EMSY: variants seen among roughly 807,000 people sequenced by gnomAD.
EMSY encodes the protein BRCA2-interacting transcriptional repressor EMSY.
Under a neutral mutation model 134.6 loss-of-function variants are expected in EMSY, and 26 were observed. The observed-to-expected ratio is 0.19, with a 90% CI of 0.14 to 0.27. EMSY has a LOEUF of 0.27. Ranked by LOEUF, EMSY falls within the 10% of genes least tolerant of loss-of-function variation. EMSY has a pLI of 1.00. For missense variants in EMSY, 1,305 were observed against 1,611.4 expected, an observed-to-expected ratio of 0.81 and a Z score of 3.26; for synonymous variants, 579 against 577.8, an observed-to-expected ratio of 1.00 and a Z score of -0.03.
chr11:76,528,157 C>A, intron 13 of EMSY, 111 bp from the exon 15 acceptor site: 2 of 895,338 alleles, frequency 2.2e-6, no homozygotes, highest in Non-Finnish European at 3.4e-6. Flanking sequence ...AAAAGTATAA[C>A]GTACAGAATA....
At chr11:76,489,650 G>A (rs1287728904) in intron 8 of EMSY, among the ~76,000 whole-genome samples, 1 of 150,724 alleles carries the variant, frequency 6.6e-6, no homozygotes, top group East Asian at 1.9e-4. Context: ...TATCGCCCAG[G>A]CTGGAGTACA....
chr11:76,546,343 T>G, intron 20 of EMSY, 46 bp downstream of exon 21: 1 of 1,561,256 alleles, frequency 6.4e-7, no homozygotes, highest in Non-Finnish European at 8.7e-7. Context: ...TCTTGGGGGT[T>G]GTGGGTTTGT....
chr11:76,502,937 T>A (rs1291064056), intron 9 of EMSY, among the ~76,000 whole-genome samples: 1 of 151,942 alleles, frequency 6.6e-6, no homozygotes, highest in African/African-American at 2.4e-5. Context: ...ACAAGCTAAC[T>A]CCAAAATTCA....
chr11:76,489,040 T>C lies in EMSY; in HGVS notation c.1109-7175T>C, dbSNP rs549133592. Among the ~76,000 whole-genome samples the C allele has an allele frequency of 2.0e-4, 31 of 152,378 alleles. No individual in the cohort carries two copies. The South Asian group carries it at 6.2e-3, about 31-fold the overall frequency. On this transcript the variant is annotated intron_variant, in intron 8 of 20. Transcript: ENST00000334736. ...CTTTGCAAAAGTAATGGGGCCACCA[T>C]GACTGGCTTAGATCAATTAGGAATT...
intron 8 of EMSY, among the ~76,000 whole-genome samples, chr11:76,488,047 C>CT (rs1949262644): frequency 6.6e-6 from 1 of 152,132 alleles, no homozygotes; most frequent in Admixed American, 6.5e-5. Context: ...GTTAAAAACT[C>CT]TGAGTATTTC....
At position 76,505,281 on chromosome 11, in the gene EMSY, C is replaced by T. The variant is rs12284254; in HGVS notation, c.1364-8105C>T. ...GGCGGTCTTGGCTCACTGCAACTTA[C>T]GCCTCCTGGGTTCAAGCAATTCTCC... On this transcript the variant is annotated intron_variant, in intron 9 of 20. Transcript: ENST00000334736. Among the ~76,000 whole-genome samples, 1,048 of 150,406 alleles carry T rather than the reference C, an allele frequency of 7.0e-3. 12 individuals are homozygous for T. The highest frequency in any genetic ancestry group is 0.024 in the African/African-American group (976 of 41,062).
At chr11:76,505,620 G>A (rs1283464452) in intron 9 of EMSY, among the ~76,000 whole-genome samples, 2 of 151,988 alleles carry the variant, frequency 1.3e-5, no homozygotes, top group Non-Finnish European at 2.9e-5. Context: ...CACCTTGGGA[G>A]GCTGAGGCGG....
At chr11:76,530,733 T>C (rs1857383749) in intron 14 of EMSY, among the ~76,000 whole-genome samples, 1 of 152,170 alleles carries the variant, frequency 6.6e-6, no homozygotes, top group African/African-American at 2.4e-5. Context: ...ACTACATTCT[T>C]ACAAAGACTA....
intron 8 of EMSY, among the ~76,000 whole-genome samples, chr11:76,495,417 A>G (rs1260410445): frequency 1.3e-5 from 2 of 152,196 alleles, no homozygotes; most frequent in African/African-American, 4.8e-5. Flanking sequence ...TTGATAGATA[A>G]TAGTCCTTTT....
chr11:76,542,110 A>G (rs1951460280), intron 17 of EMSY, 106 bp from the exon 19 acceptor site: 1 of 1,422,088 alleles, frequency 7.0e-7, no homozygotes, highest in Admixed American at 1.7e-5. Flanking sequence ...ACAATACTAC[A>G]CTTTCTTTCT....
chr11:76,473,826 C>G (rs374502521), intron 8 of EMSY, among the ~76,000 whole-genome samples: 10 of 151,698 alleles, frequency 6.6e-5, no homozygotes, highest in Admixed American at 2.6e-4. Flanking sequence ...AACCCTGTCT[C>G]TACTAAAAAA....
At position 76,459,697 on chromosome 11, in the gene EMSY, C is replaced by T. The variant is rs548202352; in HGVS notation, c.422-239C>T. On this transcript the variant is annotated intron_variant, in intron 5 of 20. Coordinates refer to ENST00000334736, the Ensembl canonical transcript of EMSY. Reference sequence around the variant, plus strand: ...ATTTCTTTGTAACTGTGTTTTTCTCCGTCAGCAATGTCACCTGTAGACAAG... The same window carrying T: ...ATTTCTTTGTAACTGTGTTTTTCTCTGTCAGCAATGTCACCTGTAGACAAG... 12 of 437,720 alleles carry T rather than the reference C, an allele frequency of 2.7e-5. No homozygotes were observed. In the South Asian group the frequency reaches 2.8e-4, roughly 10 times the overall value. The allele number at this position is 437,720 out of a possible 1,614,324, so 27.1% of individuals were successfully genotyped here. A position where few individuals can be genotyped will look rare whatever the true frequency, so the allele number is the denominator to read the frequency against.
exon 1 of EMSY, chr11:76,445,040 C>T (rs1165516459): frequency 2.6e-5 from 4 of 152,942 alleles, no homozygotes; most frequent in African/African-American, 7.2e-5. Flanking sequence ...CATCTTGCCC[C>T]TTCAGAGGCA....
chr11:76,506,902 T>C (rs1385241797), intron 9 of EMSY, among the ~76,000 whole-genome samples: 1 of 152,212 alleles, frequency 6.6e-6, no homozygotes, highest in Non-Finnish European at 1.5e-5. Flanking sequence ...CACTGCATTT[T>C]GTTTGAATTT....
chr11:76,473,182 T>C (rs926756735), intron 8 of EMSY, among the ~76,000 whole-genome samples: 4 of 152,166 alleles, frequency 2.6e-5, no homozygotes, highest in African/African-American at 4.8e-5. Context: ...TATATTACCA[T>C]AGGTTCTTCA....
rs992160804 is a variant in EMSY at position 76,531,007 on chromosome 11, A to G, written c.2194+2541A>G. Among the ~76,000 whole-genome samples the G allele has an allele frequency of 2.6e-5, 4 of 152,182 alleles. 1 individual carries two copies. The highest frequency in any genetic ancestry group is 2.6e-4 in the Admixed American group (4 of 15,274). Reference sequence around the variant, plus strand: ...GAACTCCTGTGTATACTCTTTACCTAGATTCACTACTTATTTACATTTTGC... The same window carrying G: ...GAACTCCTGTGTATACTCTTTACCTGGATTCACTACTTATTTACATTTTGC... On this transcript the variant is annotated intron_variant, in intron 14 of 20. Transcript: ENST00000334736.
At chr11:76,513,672 C>T (rs1950352667) in intron 10 of EMSY, 137 bp downstream of exon 11, 1 of 844,408 alleles carries the variant, frequency 1.2e-6, no homozygotes. Flanking sequence ...TTGATTCTCA[C>T]ACCCCTACTG....
rs1036369905 is a variant in EMSY at position 76,534,764 on chromosome 11, A to G, written c.2195-1131A>G. ...TTGTCTTGTTTGCCCTAATCATTTG[A>G]TATTTGCCCTAAGCTACAAAGCCAT... On this transcript the variant is annotated intron_variant, in intron 14 of 20. Transcript: ENST00000334736. Among the ~76,000 whole-genome samples, 5 of 152,196 alleles carry G rather than the reference A, an allele frequency of 3.3e-5. No individual in the cohort carries two copies. In the East Asian group the frequency reaches 9.6e-4, roughly 29 times the overall value.
chr11:76,453,593 T>C, intron 4 of EMSY: 1 of 408,444 alleles, frequency 2.4e-6, no homozygotes, highest in Non-Finnish European at 4.4e-6. Flanking sequence ...AAGCTTTAAG[T>C]ACTCAGGTCA....
Sources: gnomAD v4.1 joint callset for allele counts (sites outside exome capture counted in the v4.1 genomes callset) on GRCh38, gnomAD v4.1.1 for gene constraint, MANE v1.5 for transcripts, NCBI Gene and HGNC (gene_info 2026-07-23, HGNC 2026-07-21) for gene names.